The following PXDNL variants were observed in gnomAD, a reference collection of about 807,000 sequenced individuals.
The protein encoded by PXDNL is peroxidasin like, also known as probable oxidoreductase PXDNL.
PXDNL carries 145 observed loss-of-function variants against 150.8 expected under a neutral mutation model. The ratio of observed to expected loss-of-function variants is 0.96; its 90% CI spans 0.84 to 1.10. The LOEUF (loss-of-function observed/expected upper bound fraction) is 1.10. PXDNL is among the 50% of genes least tolerant of loss of function. The pLI is 0.00. For missense variants in PXDNL, 2,087 were observed against 1,873.9 expected (o/e 1.11, Z -2.10); for synonymous variants, 757 against 725.7 (o/e 1.04, Z -0.69).
At chr8:51,641,904 C>T (rs1425920177) in intron 2 of PXDNL, among the ~76,000 whole-genome samples, 1 of 152,108 alleles carries the variant, frequency 6.6e-6, no homozygotes, top group Non-Finnish European at 1.5e-5. Context: ...GACACATGCA[C>T]ACGTATGTTT....
chr8:51,547,860 G>C (rs1490489131), intron 4 of PXDNL, among the ~76,000 whole-genome samples: 1 of 152,156 alleles, frequency 6.6e-6, no homozygotes, highest in Non-Finnish European at 1.5e-5. Context: ...TGAATTGCCA[G>C]ATAAAGAATT....
At chr8:51,573,617 T>A (rs1812990370) in intron 3 of PXDNL, among the ~76,000 whole-genome samples, 1 of 151,954 alleles carries the variant, frequency 6.6e-6, no homozygotes, top group African/African-American at 2.4e-5. Context: ...CATGTGGGAA[T>A]CAATGGAAGC....
chr8:51,608,063 AAGCAAGC>A (rs1585617340), intron 2 of PXDNL, among the ~76,000 whole-genome samples: 5 of 118,052 alleles, frequency 4.2e-5, no homozygotes, highest in Admixed American at 3.2e-4. Flanking sequence ...GAAAGCAAGC[AAGCAAGC>A]AAGCAAGCAA....
chr8:51,566,349 A>C (rs928680572), intron 3 of PXDNL, among the ~76,000 whole-genome samples: 1 of 151,814 alleles, frequency 6.6e-6, no homozygotes, highest in Non-Finnish European at 1.5e-5. Flanking sequence ...TTCTGGAACA[A>C]ATTATAGATA....
rs1554561797 is a variant in PXDNL, at chr8:51,644,377, T to TATAC, written c.236+10311_236+10312insGTAT. 7.6e-5 allele frequency among the ~76,000 whole-genome samples: 6 copies of TATAC among 79,430 alleles called. 1 individual carries two copies. The highest frequency in any genetic ancestry group is 2.1e-4 in the African/African-American group (6 of 27,980). 52.1% of individuals were successfully genotyped at this position (79,430 alleles called of 152,430 possible). On this transcript the variant is annotated intron_variant, in intron 2 of 22. Coordinates refer to ENST00000356297, the MANE Select transcript of PXDNL (RefSeq NM_144651.5). The stretch of plus-strand genomic sequence containing the variant: ...ACACACACACACATATGTATATATA[T>TATAC]ACACACACATATGTGTATATATATA...
chr8:51,573,279 G>A (rs1350458110), intron 3 of PXDNL, among the ~76,000 whole-genome samples: 2 of 151,848 alleles, frequency 1.3e-5, no homozygotes, highest in African/African-American at 4.8e-5. Context: ...GTAAAGTAAG[G>A]AGCTGGAATT....
At chr8:51,371,752 T>C (rs1251032783) in intron 19 of PXDNL, 121 bp downstream of exon 19, 1 of 910,358 alleles carries the variant, frequency 1.1e-6, no homozygotes, top group African/African-American at 1.6e-5. Context: ...AAAAGGAAAG[T>C]TCTGTGTTGT....
At chr8:51,548,650 C>A (rs1341397946) in intron 4 of PXDNL, among the ~76,000 whole-genome samples, 1 of 152,080 alleles carries the variant, frequency 6.6e-6, no homozygotes, top group Non-Finnish European at 1.5e-5. Context: ...GAGAATTCAC[C>A]TCTATCAACC....
intron 17 of PXDNL, among the ~76,000 whole-genome samples, chr8:51,387,554 C>A (rs1807756852): frequency 6.6e-6 from 1 of 152,072 alleles, no homozygotes; most frequent in Admixed American, 6.6e-5. Context: ...TAGATTTTTG[C>A]CGGTTCTAAG....
intron 1 of PXDNL, among the ~76,000 whole-genome samples, chr8:51,704,888 T>C (rs1411917876): frequency 6.6e-6 from 1 of 152,210 alleles, no homozygotes; most frequent in Non-Finnish European, 1.5e-5. Context: ...CTGATGTATG[T>C]AATATATATA....
intron 6 of PXDNL, among the ~76,000 whole-genome samples, chr8:51,482,655 C>T (rs1307649040): frequency 6.6e-6 from 1 of 152,134 alleles, no homozygotes; most frequent in Non-Finnish European, 1.5e-5. Flanking sequence ...CCATATTGTT[C>T]TCATGGTAGT....
At chr8:51,516,230 T>C (rs1811535635) in intron 4 of PXDNL, among the ~76,000 whole-genome samples, 1 of 152,368 alleles carries the variant, frequency 6.6e-6, no homozygotes, top group Non-Finnish European at 1.5e-5. Context: ...ACATGTTATA[T>C]TTCTTCTATT....
chr8:51,716,498 G>A (rs1816619410), intron 1 of PXDNL, among the ~76,000 whole-genome samples: 1 of 152,138 alleles, frequency 6.6e-6, no homozygotes. Flanking sequence ...GTAAACTACT[G>A]CACTCTTGCT....
At position 51,599,740 on chromosome 8, in the gene PXDNL, A is replaced by G. The variant is rs571240772; in HGVS notation, c.237-7042T>C. On this transcript the variant is annotated intron_variant, in intron 2 of 22. Coordinates refer to ENST00000356297, the MANE Select transcript of PXDNL (RefSeq NM_144651.5). ...TCATTTATATAATAAATTATATCTT[A>G]TATAAATGATATCGTTTATATAATA... Among the ~76,000 whole-genome samples the G allele has an allele frequency of 9.2e-4, 134 of 146,352 alleles. 2 individuals are homozygous for G. The highest frequency in any genetic ancestry group is 3.6e-3 in the Middle Eastern group (1 of 276).
chr8:51,407,543 C>T (rs188301928), intron 17 of PXDNL, among the ~76,000 whole-genome samples: 3 of 152,014 alleles, frequency 2.0e-5, no homozygotes, highest in Non-Finnish European at 4.4e-5. Context: ...ACTTCAAATC[C>T]CGTATGTAGA....
chr8:51,781,508 C>T (rs1323775558), intron 1 of PXDNL, among the ~76,000 whole-genome samples: 2 of 152,164 alleles, frequency 1.3e-5, no homozygotes, highest in Non-Finnish European at 2.9e-5. Flanking sequence ...TCCCGTGGCT[C>T]TTCGTCCAGT....
At chr8:51,481,649 CT>C (rs907662625) in intron 6 of PXDNL, among the ~76,000 whole-genome samples, 3 of 152,210 alleles carry the variant, frequency 2.0e-5, no homozygotes, top group Non-Finnish European at 2.9e-5. Flanking sequence ...TAGGGCCCCC[CT>C]GATCTATGCA....
At chr8:51,712,835 C>T (rs906736956) in intron 1 of PXDNL, among the ~76,000 whole-genome samples, 2 of 152,208 alleles carry the variant, frequency 1.3e-5, no homozygotes, top group East Asian at 1.9e-4. Flanking sequence ...CTTCTAATAC[C>T]TTATGATTAA....
intron 3 of PXDNL, among the ~76,000 whole-genome samples, chr8:51,574,240 T>G (rs2130601750): frequency 6.6e-6 from 1 of 151,466 alleles, no homozygotes; most frequent in African/African-American, 2.4e-5. Flanking sequence ...AAACAGAAAC[T>G]TTAGAACTGA....
Sources: gnomAD v4.1 joint callset for allele counts (sites outside exome capture counted in the v4.1 genomes callset) on GRCh38, gnomAD v4.1.1 for gene constraint, MANE v1.5 for transcripts, NCBI Gene and HGNC (gene_info 2026-07-23, HGNC 2026-07-21) for gene names.